TSHZ2: variants seen among roughly 807,000 people sequenced by gnomAD.
TSHZ2 encodes the protein teashirt homolog 2.
Under a neutral mutation model 74.4 loss-of-function variants are expected in TSHZ2, and 21 were observed. The ratio of observed to expected loss-of-function variants is 0.28; its 90% CI spans 0.20 to 0.41. TSHZ2 has a LOEUF of 0.41. Among genes scored for constraint, TSHZ2 ranks in the 10% least tolerant of loss-of-function variants. The pLI, the probability that TSHZ2 is intolerant of heterozygous loss-of-function variation, is 1.00. For missense variants in TSHZ2, 1,244 were observed against 1,293.5 expected, an observed-to-expected ratio of 0.96 and a Z score of 0.59; for synonymous variants, 540 against 515.3, an observed-to-expected ratio of 1.05 and a Z score of -0.65.
At chr20:53,422,059 T>C (rs1029777359) in intron 2 of TSHZ2, among the ~76,000 whole-genome samples, 2 of 152,184 alleles carry the variant, frequency 1.3e-5, no homozygotes, top group Non-Finnish European at 1.5e-5. Flanking sequence ...TTTCTCACAG[T>C]ACCGTATCAT....
chr20:53,306,622 G>A lies in TSHZ2; in HGVS notation c.*8+50051G>A, dbSNP rs924383293. Among the ~76,000 whole-genome samples, 7 of 152,164 alleles carry A rather than the reference G, an allele frequency of 4.6e-5. No homozygotes were observed. In the South Asian group the frequency reaches 1.0e-3, roughly 23 times the overall value. ...TAGTTAAATATTTAAATGATTTGCC[G>A]ACATGGGGAACTTGCCATTGGCAGC... On this transcript the variant is annotated intron_variant, in intron 2 of 2. Transcript: ENST00000371497.
intron 1 of TSHZ2, among the ~76,000 whole-genome samples, chr20:53,033,541 G>A (rs1436908204): frequency 2.0e-5 from 3 of 148,642 alleles, no homozygotes; most frequent in Middle Eastern, 3.5e-3. Context: ...AGATGGGATT[G>A]TATAATCCAA....
intron 1 of TSHZ2, among the ~76,000 whole-genome samples, chr20:53,125,258 A>G (rs1482332564): frequency 1.3e-5 from 2 of 152,184 alleles, no homozygotes; most frequent in African/African-American, 4.8e-5. Context: ...AGATATTGTG[A>G]AAGGCCGTAG....
chr20:53,130,102 G>A (rs1987061535), intron 1 of TSHZ2, among the ~76,000 whole-genome samples: 1 of 151,812 alleles, frequency 6.6e-6, no homozygotes. Context: ...GTTGATAGTG[G>A]CTCAGTGGGT....
chr20:53,414,261 T>C (rs187157809), intron 2 of TSHZ2, among the ~76,000 whole-genome samples: 1 of 152,340 alleles, frequency 6.6e-6, no homozygotes, highest in African/African-American at 2.4e-5. Flanking sequence ...TATATTTTTG[T>C]AGTGTTTGAC....
chr20:52,987,198 T>A (rs964088583), intron 1 of TSHZ2, among the ~76,000 whole-genome samples: 1 of 152,190 alleles, frequency 6.6e-6, no homozygotes, highest in African/African-American at 2.4e-5. Flanking sequence ...TGGGAATGAT[T>A]TCCTGGTTTT....
At chr20:53,212,875 G>A (rs1215022544) in intron 1 of TSHZ2, among the ~76,000 whole-genome samples, 1 of 152,148 alleles carries the variant, frequency 6.6e-6, no homozygotes, top group East Asian at 1.9e-4. Flanking sequence ...ACTCCTTGGG[G>A]CCAGGGGGAT....
At chr20:53,418,808 A>C (rs1983364875) in intron 2 of TSHZ2, among the ~76,000 whole-genome samples, 1 of 151,936 alleles carries the variant, frequency 6.6e-6, no homozygotes. Context: ...TCTCCTCCCC[A>C]CTCGCTCCCA....
intron 2 of TSHZ2, among the ~76,000 whole-genome samples, chr20:53,299,952 G>A (rs77644112): frequency 0.015 from 2,330 of 152,250 alleles, 56 homozygotes; most frequent in African/African-American, 0.053. Flanking sequence ...ACTTCAGCAC[G>A]TTTTTCCTCT....
intron 2 of TSHZ2, among the ~76,000 whole-genome samples, chr20:53,296,228 A>G (rs1333872027): frequency 2.0e-5 from 3 of 152,070 alleles, no homozygotes; most frequent in Non-Finnish European, 4.4e-5. Flanking sequence ...TTGATGTCTC[A>G]TTGAGGAATT....
At chr20:53,423,068 A>T (rs1983534384) in intron 2 of TSHZ2, among the ~76,000 whole-genome samples, 1 of 152,206 alleles carries the variant, frequency 6.6e-6, no homozygotes, top group Admixed American at 6.5e-5. Context: ...TAGCCAGATG[A>T]GAAACCCAAC....
chr20:53,371,071 A>G (rs942373115), intron 2 of TSHZ2, among the ~76,000 whole-genome samples: 6 of 152,046 alleles, frequency 3.9e-5, no homozygotes, highest in African/African-American at 9.6e-5. Flanking sequence ...AGCTTTCTCC[A>G]TGGGTCTCCG....
intron 1 of TSHZ2, among the ~76,000 whole-genome samples, chr20:53,059,073 C>G (rs1196442075): frequency 6.6e-6 from 1 of 152,056 alleles, no homozygotes; most frequent in Non-Finnish European, 1.5e-5. Flanking sequence ...CATTTTTTCC[C>G]TGTCTGTAAA....
intron 1 of TSHZ2, among the ~76,000 whole-genome samples, chr20:53,022,376 A>G (rs370939826): frequency 1.7e-4 from 26 of 152,190 alleles, no homozygotes; most frequent in African/African-American, 6.3e-4. Flanking sequence ...GTGTCTCTTC[A>G]AATTTACAGT....
At chr20:53,351,772 C>T (rs998293769) in intron 2 of TSHZ2, among the ~76,000 whole-genome samples, 3 of 152,186 alleles carry the variant, frequency 2.0e-5, no homozygotes, top group African/African-American at 7.2e-5. Flanking sequence ...GCTTCTTCCC[C>T]AGGTGGTAGC....
intron 2 of TSHZ2, among the ~76,000 whole-genome samples, chr20:53,482,619 A>C (rs926880365): frequency 4.6e-5 from 7 of 152,194 alleles, no homozygotes; most frequent in Non-Finnish European, 1.0e-4. Flanking sequence ...AATTAAAAAT[A>C]GGGCTGCACA....
chr20:53,095,686 G>A (rs1484736951), intron 1 of TSHZ2, among the ~76,000 whole-genome samples: 1 of 152,174 alleles, frequency 6.6e-6, no homozygotes, highest in Non-Finnish European at 1.5e-5. Context: ...CTTCGTTATG[G>A]GGCTGTCTCG....
rs1217789521 is a variant in TSHZ2, at chr20:53,003,237, C to T, written c.40+29904C>T. 2.7e-5 allele frequency among the ~76,000 whole-genome samples: 4 copies of T among 148,180 alleles called. No individual in the cohort carries two copies. The East Asian group carries it at 8.0e-4, about 30-fold the overall frequency. On this transcript the variant is annotated intron_variant, in intron 1 of 2. Transcript: ENST00000371497. The stretch of plus-strand genomic sequence containing the variant: ...GGTTCTATTTTATTTCATCAGCCTC[C>T]TGTTTTTCTCCAGGGATGGTGTGTG...
chr20:53,060,691 A>G lies in TSHZ2; in HGVS notation c.40+87358A>G, dbSNP rs1232402732. ...TACGTAGTAAAAATGGGTTAACTAA[A>G]TAATATCCTGAATAGAAGGAAGAGT... On this transcript the variant is annotated intron_variant, in intron 1 of 2. Transcript: ENST00000371497. 1.1e-4 allele frequency among the ~76,000 whole-genome samples: 17 copies of G among 151,832 alleles called. 1 individual carries two copies.
Sources: allele counts gnomAD v4.1 joint callset (sites outside exome capture counted in the v4.1 genomes callset), GRCh38; gene constraint gnomAD v4.1.1; transcripts MANE v1.5; gene names NCBI Gene and HGNC (gene_info 2026-07-23, HGNC 2026-07-21).